The following SYS1 variants were observed in gnomAD, a reference collection of about 807,000 sequenced individuals.
The protein encoded by SYS1 is SYS1 golgi trafficking protein, also known as protein SYS1 homolog.
SYS1 carries 8 observed loss-of-function variants against 17.8 expected under a neutral mutation model. That is an observed-to-expected ratio of 0.45 (90% CI 0.26 to 0.81). SYS1 has a LOEUF of 0.81. Among genes scored for constraint, SYS1 ranks in the 40% least tolerant of loss-of-function variants. The pLI, the probability that SYS1 is intolerant of heterozygous loss-of-function variation, is 0.16. For missense variants in SYS1, 161 were observed against 203.9 expected (o/e 0.79, Z 1.28); for synonymous variants, 95 against 90.9 (o/e 1.05, Z -0.26).
chr20:45,374,870 G>A, exon 4 of SYS1: 1 of 847,810 alleles, frequency 1.2e-6, no homozygotes, highest in Non-Finnish European at 1.8e-6. Context: ...TCTGTATGAT[G>A]TTGGTCTAAG....
At chr20:45,374,891 C>T in exon 4 of SYS1, 1 of 1,107,526 alleles carries the variant, frequency 9.0e-7, no homozygotes, top group Non-Finnish European at 1.3e-6. Flanking sequence ...GCTTCCCCCT[C>T]TCTGGACATG....
In SYS1 at chr20:45,363,558, G is replaced by A. The variant is rs778039834; in HGVS notation, c.27G>A (p.Val9=). The change falls in exon 2 of 4, where the codon GTG becomes GTA. Residue 9 remains valine, a synonymous_variant. Coordinates refer to ENST00000243918, the MANE Select transcript of SYS1 (RefSeq NM_033542.4). The part of the protein sequence containing the change: MAGQFRSY[V]WDPLLILSQI... ...TGGCGGGTCAGTTCCGCAGCTACGTGTGGGACCCGCTGCTGATCCTGTCGC... is the reference window on the plus strand; with the variant it reads ...TGGCGGGTCAGTTCCGCAGCTACGTATGGGACCCGCTGCTGATCCTGTCGC... 2 of 1,582,250 alleles carry A rather than the reference G, an allele frequency of 1.3e-6. No individual in the cohort carries two copies. Among genetic ancestry groups the A allele is most frequent in the Admixed American group, 3.6e-5 (2 of 55,892 alleles).
rs142892667 is a variant in SYS1, at chr20:45,368,372, A to G, written c.*1257A>G. 7.7e-5 allele frequency: 76 copies of G among 985,436 alleles called. No homozygotes were observed. The African/African-American group carries it at 1.2e-3, about 15-fold the overall frequency. 61.0% of individuals were successfully genotyped at this position (985,436 alleles called of 1,614,324 possible). ...TCCTACTTGCTAGTGATTTCTGAACATGTTCAATGGAGCGGCACACAGTCT... is the reference window on the plus strand; with the variant it reads ...TCCTACTTGCTAGTGATTTCTGAACGTGTTCAATGGAGCGGCACACAGTCT... On this transcript the variant is annotated 3_prime_UTR_variant, in exon 4 of 4. Transcript: ENST00000243918.
chr20:45,370,533 G>A (rs1156934984), downstream of SYS1, among the ~76,000 whole-genome samples: 1 of 152,126 alleles, frequency 6.6e-6, no homozygotes, highest in Non-Finnish European at 1.5e-5. Context: ...AGGCAGCCCT[G>A]TCCATATCAG....
chr20:45,374,333 C>T (rs770576501), exon 4 of SYS1: 11 of 683,216 alleles, frequency 1.6e-5, no homozygotes, highest in South Asian at 1.6e-4. Flanking sequence ...AGTGCAGTGG[C>T]GAAGTCACAG....
chr20:45,364,372 G>A (rs908331431), intron 2 of SYS1, among the ~76,000 whole-genome samples: 1 of 150,936 alleles, frequency 6.6e-6, no homozygotes, highest in Admixed American at 6.6e-5. Flanking sequence ...GCCCAGAGGG[G>A]TTTAGGAATA....
downstream of SYS1, chr20:45,374,200 A>G (rs1323604087): frequency 4.5e-6 from 3 of 673,314 alleles, no homozygotes; most frequent in Non-Finnish European, 8.0e-6. Context: ...TGGGACTTTC[A>G]TTCTCCCACG....
At chr20:45,373,809 A>T (rs1311014219), downstream of SYS1, 2 of 1,204,404 alleles carry the variant, frequency 1.7e-6, no homozygotes, top group Non-Finnish European at 2.4e-6. Context: ...GTCGCGACAC[A>T]GGCTCCCTCT....
downstream of SYS1, chr20:45,373,627 C>T: frequency 2.2e-6 from 1 of 457,806 alleles, no homozygotes; most frequent in Non-Finnish European, 4.0e-6. Flanking sequence ...TGCGAGCTCG[C>T]GGGGCGATTG....
chr20:45,375,856 G>T, exon 4 of SYS1: 1 of 364,884 alleles, frequency 2.7e-6, no homozygotes, highest in Non-Finnish European at 5.0e-6. Context: ...CTGGGAGGGT[G>T]AACAGTCCAG....
At chr20:45,374,100 G>T (rs1018321961), downstream of SYS1, 88 of 1,230,316 alleles carry the variant, frequency 7.2e-5, no homozygotes, top group Non-Finnish European at 1.7e-5. Context: ...CAAGGGTGCT[G>T]TGGTGTCTGG....
At chr20:45,373,951 G>A (rs887788160), downstream of SYS1, 3 of 1,613,912 alleles carry the variant, frequency 1.9e-6, no homozygotes, top group African/African-American at 4.0e-5. Flanking sequence ...CTCCCCTTCA[G>A]CTGATGGCGC....
rs532662566 is a variant in SYS1, at chr20:45,374,889, C to G, written c.*595C>G. 2.9e-5 allele frequency: 31 copies of G among 1,079,820 alleles called. No homozygotes were observed. The East Asian group carries it at 3.8e-4, about 13-fold the overall frequency. 66.9% of individuals were successfully genotyped at this position (1,079,820 alleles called of 1,614,324 possible). ...TATGATGTTGGTCTAAGGCTTCCCC[C>G]TCTCTGGACATGAAGGCGGAGCCTC... On this transcript the variant is annotated 3_prime_UTR_variant, in exon 4 of 4. Transcript: ENST00000426004.
downstream of SYS1, among the ~76,000 whole-genome samples, chr20:45,370,388 T>G (rs1478376420): frequency 1.3e-5 from 2 of 152,182 alleles, no homozygotes; most frequent in Non-Finnish European, 2.9e-5. Flanking sequence ...ACCCACCACC[T>G]GAACTCTGGC....
chr20:45,363,103 T>A, upstream of SYS1: 1 of 1,010,572 alleles, frequency 9.9e-7, no homozygotes, highest in Non-Finnish European at 1.2e-6. Flanking sequence ...TTGCACCCAC[T>A]ACGCCTGCGC....
chr20:45,369,596 CTTTTTTTT>C (rs573922300), downstream of SYS1, among the ~76,000 whole-genome samples: 14 of 102,878 alleles, frequency 1.4e-4, no homozygotes, highest in Non-Finnish European at 2.2e-4. Flanking sequence ...CAGAGATTTC[CTTTTTTTT>C]TTTTTTTTTT....
Position 45,374,293 on chromosome 20 carries a change from G to A in SYS1, c.*-1G>A. On this transcript the variant is annotated splice_acceptor_variant, in intron 3 of 3. Coordinates refer to the SYS1 transcript ENST00000426004. LOFTEE classifies it high-confidence loss of function. Reference sequence around the variant, plus strand: ...CTTTTTTTCCTTTCTTTTTTTTTAAGACAGGGTCTTGCTCTCTTGCCCAGG... The same window carrying A: ...CTTTTTTTCCTTTCTTTTTTTTTAAAACAGGGTCTTGCTCTCTTGCCCAGG... The A allele has an allele frequency of 1.4e-6, 1 of 695,934 alleles. No individual in the cohort carries two copies. The highest frequency in any genetic ancestry group is 2.7e-5 in the East Asian group (1 of 37,212). 43.1% of individuals were successfully genotyped at this position (695,934 alleles called of 1,614,324 possible).
chr20:45,365,061 T>G (rs1028251629), intron 2 of SYS1, among the ~76,000 whole-genome samples: 27 of 152,152 alleles, frequency 1.8e-4, no homozygotes, highest in African/African-American at 6.3e-4. Context: ...GACTCTATGC[T>G]CCTGGGAAGA....
At chr20:45,363,757 A>G in intron 2 of SYS1, 64 bp downstream of exon 2, 1 of 1,502,304 alleles carries the variant, frequency 6.7e-7, no homozygotes, top group Non-Finnish European at 8.9e-7. Flanking sequence ...GTGGTCCATC[A>G]CTACTGTGCT....
Sources: allele counts gnomAD v4.1 joint callset (sites outside exome capture counted in the v4.1 genomes callset), GRCh38; gene constraint gnomAD v4.1.1; transcripts MANE v1.5; gene names NCBI Gene and HGNC (gene_info 2026-07-23, HGNC 2026-07-21).